FOXM1: variants seen among roughly 807,000 people sequenced by gnomAD.
FOXM1 encodes forkhead box protein M1.
FOXM1 carries 25 observed loss-of-function variants against 63.6 expected under a neutral mutation model. The observed-to-expected ratio is 0.39, with a 90% confidence interval of 0.29 to 0.55. The LOEUF is 0.55. Among genes scored for constraint, FOXM1 ranks in the 20% least tolerant of loss-of-function variants. The probability of loss-of-function intolerance (pLI) is 0.60; values close to 1 mark genes in which losing one functional copy is unlikely to be tolerated. For synonymous variants in FOXM1, 387 were observed against 376.9 expected, an observed-to-expected ratio of 1.03 and a Z score of -0.31; for missense variants, 879 against 958.7, an observed-to-expected ratio of 0.92 and a Z score of 1.10.
intron 8 of FOXM1, chr12:2,863,882 T>C (rs1353735968): frequency 6.5e-6 from 1 of 154,556 alleles, no homozygotes; most frequent in African/African-American, 2.4e-5. Context: ...ATTTTTGTAT[T>C]TTTTAGTAGA....
intron 6 of FOXM1, chr12:2,865,065 GCGAA>G (rs2098120680): frequency 1.7e-6 from 1 of 583,896 alleles, no homozygotes; most frequent in Middle Eastern, 4.6e-4. Context: ...ACAAAAGTGA[GCGAA>G]CGAACTGCCG....
At chr12:2,871,194 C>A (rs1261947818) in intron 3 of FOXM1, among the ~76,000 whole-genome samples, 2 of 151,596 alleles carry the variant, frequency 1.3e-5, no homozygotes, top group South Asian at 2.1e-4. Flanking sequence ...ACCCCCTGAA[C>A]CTAAAATAAA....
In FOXM1 at chr12:2,864,123, C is replaced by CG. The variant is rs774293006; in HGVS notation, c.1266+196_1266+197insC. ...AGCTCATCAGGTATTTATGGGCCTTCTGACACCACTTACATTGTAATCCAA... is the reference window on the plus strand; with the variant it reads ...AGCTCATCAGGTATTTATGGGCCTTCGTGACACCACTTACATTGTAATCCAA... On this transcript the variant is annotated intron_variant, in intron 8 of 8. Coordinates refer to ENST00000359843, the MANE Select transcript of FOXM1 (RefSeq NM_021953.4). This position sits in a 1 kb window ranked among gnomAD's most constrained non-coding sequence, Gnocchi z 5.1. 1.1e-5 allele frequency: 6 copies of CG among 566,656 alleles called. No individual in the cohort carries two copies. Among genetic ancestry groups the CG allele is most frequent in the African/African-American group, 1.9e-5 (1 of 54,030 alleles). 35.1% of individuals were successfully genotyped at this position (566,656 alleles called of 1,614,324 possible).
chr12:2,868,675 A>T lies in FOXM1; in HGVS notation c.734T>A (p.Ile245Lys). Residue 245 changes from isoleucine (I) to lysine (K), a missense_variant, in exon 4 of 9, where the codon ATA becomes AAA. Ile to Lys is a moderately radical substitution (Grantham distance 102). Coordinates refer to ENST00000359843, the MANE Select transcript of FOXM1 (RefSeq NM_021953.4). ...CTCAGTGCTGTTGATGGCGAATTGT[A>T]TCATGGCCATGTAAGAGTAGGGTGG... ...ERPPYSYMAMIQFAINSTERK... is the reference protein window; with the variant it reads ...ERPPYSYMAMKQFAINSTERK... 1 of 1,613,978 alleles carries T rather than the reference A, an allele frequency of 6.2e-7. No individual in the cohort carries two copies. Among genetic ancestry groups the T allele is most frequent in the Non-Finnish European group, 8.5e-7 (1 of 1,179,934 alleles).
chr12:2,861,188 C>A, intron 8 of FOXM1: 1 of 572,014 alleles, frequency 1.7e-6, no homozygotes, highest in Non-Finnish European at 3.1e-6. Context: ...AAAAAGAGCT[C>A]TCACAAATTG....
At chr12:2,869,737 A>ATTT (rs57611486) in intron 3 of FOXM1, among the ~76,000 whole-genome samples, 92 of 130,280 alleles carry the variant, frequency 7.1e-4, no homozygotes, top group Middle Eastern at 9.1e-3. Context: ...GCGCCTGGCG[A>ATTT]TTTTTTTTTT....
intron 8 of FOXM1, chr12:2,861,363 C>A (rs1399054309): frequency 1.4e-6 from 1 of 730,266 alleles, no homozygotes; most frequent in East Asian, 2.6e-5. Context: ...TCGCAGATCG[C>A]CACTAAAGAA....
chr12:2,862,365 G>A (rs910818468), intron 8 of FOXM1, among the ~76,000 whole-genome samples: 5 of 151,828 alleles, frequency 3.3e-5, no homozygotes, highest in Admixed American at 1.3e-4. Flanking sequence ...TTGGGAGTAG[G>A]GGTGATGTGG....
chr12:2,875,292 C>T (rs1169362699), intron 1 of FOXM1, among the ~76,000 whole-genome samples: 1 of 152,194 alleles, frequency 6.6e-6, no homozygotes, highest in African/African-American at 2.4e-5. Flanking sequence ...CGCGTCTGGC[C>T]AAGCCTTTTG....
At chr12:2,866,876 G>A (rs147124095) in intron 4 of FOXM1, among the ~76,000 whole-genome samples, 373 of 152,356 alleles carry the variant, frequency 2.4e-3, no homozygotes, top group Middle Eastern at 0.02. Context: ...AATTAGGCCC[G>A]GCGTGGTGGC....
Position 2,874,175 on chromosome 12 carries a change from C to T in FOXM1, c.304G>A (p.Gly102Arg), listed in dbSNP as rs758020949. Reference sequence around the variant, plus strand: ...CTGATGAGGATGAATTTGTTGGGCCCACTACTGCCACTCTCTTTTCCCTTG... The same window carrying T: ...CTGATGAGGATGAATTTGTTGGGCCTACTACTGCCACTCTCTTTTCCCTTG... ...TAKGKESGSS[G>R]PNKFILISCG... Residue 102 changes from glycine to arginine, a missense_variant, in exon 2 of 9, where the codon GGG (glycine) becomes AGG (arginine). By Grantham distance (125) the Gly-to-Arg change is moderately radical. Around this residue, in one of 4 missense-constraint regions of FOXM1, gnomAD observed 255 missense variants for 292.4 expected, o/e 0.87. Transcript: ENST00000359843. This position sits in a 1 kb window ranked among gnomAD's most constrained non-coding sequence, Gnocchi z 4.3. The T allele has an allele frequency of 1.9e-6, 3 of 1,614,182 alleles. No homozygotes were observed. The highest frequency in any genetic ancestry group is 2.5e-6 in the Non-Finnish European group (3 of 1,180,042).
In FOXM1 at chr12:2,865,371, G is replaced by A; in HGVS notation, c.1004C>T (p.Pro335Leu). The change falls in exon 6 of 9, where the codon CCC becomes CTC. Residue 335 changes from proline to leucine, a missense_variant. Coordinates refer to ENST00000359843, the MANE Select transcript of FOXM1 (RefSeq NM_021953.4). Reference sequence around the variant, plus strand: ...GAACCTTACTGATTCCAAGTGCTCGGGCAATTGTGGAGACCCTGGGTCCAG... The same window carrying A: ...GAACCTTACTGATTCCAAGTGCTCGAGCAATTGTGGAGACCCTGGGTCCAG... ...KPLDPGSPQLPEHLESQQKRP... is the reference protein window; with the variant it reads ...KPLDPGSPQLLEHLESQQKRP... The A allele has an allele frequency of 6.2e-7, 1 of 1,611,166 alleles. No individual in the cohort carries two copies. Among genetic ancestry groups the A allele is most frequent in the East Asian group, 2.2e-5 (1 of 44,584 alleles).
At chr12:2,860,788 C>T (rs1455270724) in intron 8 of FOXM1, among the ~76,000 whole-genome samples, 5 of 151,152 alleles carry the variant, frequency 3.3e-5, no homozygotes, top group East Asian at 1.9e-4. Context: ...ACGAGAATTG[C>T]TTGAACCCGG....
At chr12:2,861,182 A>G in intron 8 of FOXM1, 2 of 577,898 alleles carry the variant, frequency 3.5e-6, no homozygotes, top group Non-Finnish European at 6.1e-6. Context: ...AAAAAAAAAA[A>G]GAGCTCTCAC....
At position 2,872,594 on chromosome 12, in the gene FOXM1, C is replaced by G. The variant is rs2098135063; in HGVS notation, c.503-347G>C. Among the ~76,000 whole-genome samples, 1 of 151,904 alleles carries G rather than the reference C, an allele frequency of 6.6e-6. No individual in the cohort carries two copies. The highest frequency in any genetic ancestry group is 1.5e-5 in the Non-Finnish European group (1 of 67,970). ...ACTACACTCCAGCCTGAGTGAGACT[C>G]TGTCTCAGAAAAATAAAAAATAAAA... is the stretch of plus-strand genomic sequence containing the variant. On this transcript the variant is annotated intron_variant, in intron 2 of 8. Coordinates refer to ENST00000359843, the MANE Select transcript of FOXM1 (RefSeq NM_021953.4). This position sits in a 1 kb window ranked among gnomAD's most constrained non-coding sequence, Gnocchi z 4.0.
At position 2,858,420 on chromosome 12, in the gene FOXM1, T is replaced by C. The variant is rs1257347838; in HGVS notation, c.*218A>G. 30 of 531,808 alleles carry C rather than the reference T, an allele frequency of 5.6e-5. No homozygotes were observed. The allele number at this position is 531,808 out of a possible 1,614,324, so 32.9% of individuals were successfully genotyped here. On this transcript the variant is annotated 3_prime_UTR_variant, in exon 9 of 9. Transcript: ENST00000359843. ...GCCTTTGTTGTTCCCACCCTTCAGCTCCTGGCAGGGACAGCAGAGGAATCA... is the reference window on the plus strand; with the variant it reads ...GCCTTTGTTGTTCCCACCCTTCAGCCCCTGGCAGGGACAGCAGAGGAATCA...
intron 5 of FOXM1, among the ~76,000 whole-genome samples, 191 bp downstream of exon 5, chr12:2,866,202 C>G (rs987316380): frequency 2.6e-5 from 4 of 152,160 alleles, no homozygotes; most frequent in African/African-American, 9.7e-5. Flanking sequence ...TGGTCTGGCA[C>G]AAAAATGTGT....
intron 8 of FOXM1, among the ~76,000 whole-genome samples, chr12:2,862,597 T>C (rs1173570321): frequency 1.3e-5 from 2 of 152,286 alleles, no homozygotes; most frequent in African/African-American, 2.4e-5. Context: ...GTGGCACGAT[T>C]ATAGCTCATT....
chr12:2,864,686 C>T lies in FOXM1; in HGVS notation c.1087G>A (p.Ala363Thr), dbSNP rs774372195. ...AGGCCCACTCTCCCATACTAACGTG[C>T]GCCCAGGGGGAGTTCGGTTTTGATG... Reference protein sequence around the residue: ...MTIKTELPLGARRKMKPLLPR... With the variant: ...MTIKTELPLGTRRKMKPLLPR... Residue 363 changes from alanine (A) to threonine (T), a missense_variant, in exon 7 of 9, where the codon GCA becomes ACA. Transcript: ENST00000359843. This position sits in a 1 kb window ranked among gnomAD's most constrained non-coding sequence, Gnocchi z 5.1. 6.8e-6 allele frequency: 11 copies of T among 1,613,960 alleles called. No homozygotes were observed. The highest frequency in any genetic ancestry group is 2.2e-5 in the East Asian group (1 of 44,894).
Sources: gnomAD v4.1 joint callset for allele counts (sites outside exome capture counted in the v4.1 genomes callset) on GRCh38, gnomAD v4.1.1 for gene constraint, gnomAD v4.1.1 regional missense constraint, Gnocchi (gnomAD v3.1) non-coding constraint, MANE v1.5 for transcripts, NCBI Gene and HGNC (gene_info 2026-07-23, HGNC 2026-07-21) for gene names.